RNF115: variants seen among roughly 807,000 people sequenced by gnomAD.
RNF115 encodes the protein E3 ubiquitin-protein ligase RNF115.
Under a neutral mutation model 39.2 loss-of-function variants are expected in RNF115, and 31 were observed. The observed-to-expected ratio is 0.79, with a 90% CI of 0.59 to 1.07. The LOEUF is 1.07. Ranked by LOEUF, RNF115 falls within the 50% of genes least tolerant of loss-of-function variation. RNF115 has a pLI of 0.00. For missense variants in RNF115, 384 were observed against 381.7 expected (o/e 1.01, Z -0.05); for synonymous variants, 124 against 131.0 (o/e 0.95, Z 0.37).
At chr1:145,819,002 A>T (rs1650111152) in intron 1 of RNF115, among the ~76,000 whole-genome samples, 1 of 144,846 alleles carries the variant, frequency 6.9e-6, no homozygotes, top group Admixed American at 7.0e-5. Flanking sequence ...CTCAGAGACT[A>T]TTACAAACAC....
intron 4 of RNF115, among the ~76,000 whole-genome samples, chr1:145,764,790 C>A (rs1374200636): frequency 1.3e-5 from 2 of 151,376 alleles, no homozygotes; most frequent in Non-Finnish European, 2.9e-5. Context: ...CCGCCCCATC[C>A]GGGAGGGAGA....
In RNF115 at chr1:145,746,924, GC is replaced by G; in HGVS notation, c.856del (p.Ala286ProfsTer26). The G allele has an allele frequency of 6.2e-7, 1 of 1,614,044 alleles. No homozygotes were observed. The highest frequency in any genetic ancestry group is 8.5e-7 in the Non-Finnish European group (1 of 1,179,948). On this transcript the variant is annotated frameshift_variant, in exon 9 of 9. Coordinates refer to ENST00000582693, the MANE Select transcript of RNF115 (RefSeq NM_014455.4). LOFTEE classifies it high-confidence loss of function. ...DSTRQSQSTE[A>X]SASNRFSNDS... is the part of the protein sequence containing the mutation. ...ATTGCTAAATCTGTTGCTTGCAGAG[GC>G]CTCAGTGCTCTGGCTTTGCCGAGTA...
At chr1:145,809,305 G>C (rs1221050958) in intron 1 of RNF115, among the ~76,000 whole-genome samples, 1 of 150,616 alleles carries the variant, frequency 6.6e-6, no homozygotes, top group East Asian at 1.9e-4. Context: ...TCCTCCCTCA[G>C]CCTCCCAAGT....
intron 4 of RNF115, among the ~76,000 whole-genome samples, chr1:145,770,566 T>C (rs1647588603): frequency 2.6e-5 from 4 of 152,340 alleles, no homozygotes; most frequent in African/African-American, 9.6e-5. Flanking sequence ...TATAGCTACA[T>C]GTGGCTAGCA....
At chr1:145,779,317 C>T (rs1485739241) in intron 3 of RNF115, among the ~76,000 whole-genome samples, 3 of 151,810 alleles carry the variant, frequency 2.0e-5, no homozygotes, top group Non-Finnish European at 4.4e-5. Flanking sequence ...TGGGACTACA[C>T]ACATATGCCA....
At chr1:145,781,865 C>T (rs947839276) in intron 3 of RNF115, among the ~76,000 whole-genome samples, 2 of 151,794 alleles carry the variant, frequency 1.3e-5, no homozygotes, top group Admixed American at 1.3e-4. Context: ...TTACATATAC[C>T]CCAGAATAAA....
At chr1:145,750,738 C>T (rs1050397400) in intron 6 of RNF115, among the ~76,000 whole-genome samples, 3 of 152,244 alleles carry the variant, frequency 2.0e-5, no homozygotes, top group African/African-American at 4.8e-5. Flanking sequence ...TTGCAAGGCC[C>T]ACCTCTAGGC....
At chr1:145,773,300 G>A (rs916252221) in intron 3 of RNF115, 1 of 151,790 alleles carries the variant, frequency 6.6e-6, no homozygotes, top group Admixed American at 6.6e-5. Flanking sequence ...TAAAAAAACT[G>A]AACATTTATA....
At chr1:145,821,453 CACTCTTT>C (rs1206606157) in intron 1 of RNF115, among the ~76,000 whole-genome samples, 2 of 80,506 alleles carry the variant, frequency 2.5e-5, no homozygotes, top group African/African-American at 7.7e-5. Flanking sequence ...ACTGTCTTCT[CACTCTTT>C]TTTTTTTTTT....
Position 145,746,295 on chromosome 1 carries a change from T to TTGCTGTAA in RNF115, c.*563_*570dup, listed in dbSNP as rs1407826175. Reference sequence around the variant, plus strand: ...ACAATGATAAACCACTTTTCTCTTCTTGCTGTAATTTTTCTTTGATTTGCT... The same window carrying TTGCTGTAA: ...ACAATGATAAACCACTTTTCTCTTCTTGCTGTAATGCTGTAATTTTTCTTTGATTTGCT... On this transcript the variant is annotated 3_prime_UTR_variant, in exon 9 of 9. Coordinates refer to ENST00000582693, the MANE Select transcript of RNF115 (RefSeq NM_014455.4). 1.3e-5 allele frequency: 2 copies of TTGCTGTAA among 152,114 alleles called. No homozygotes were observed. The highest frequency in any genetic ancestry group is 2.9e-5 in the Non-Finnish European group (2 of 68,028). The allele number at this position is 152,114 out of a possible 1,614,324, so 9.4% of individuals were successfully genotyped here. A position where few individuals can be genotyped will look rare whatever the true frequency, so the allele number is the denominator to read the frequency against.
intron 4 of RNF115, among the ~76,000 whole-genome samples, chr1:145,768,017 A>AGGGAGC (rs1553715286): frequency 6.6e-6 from 1 of 152,042 alleles, no homozygotes; most frequent in East Asian, 2.0e-4. Flanking sequence ...GGAGAGGGAG[A>AGGGAGC]GGGAGCCATT....
At chr1:145,795,039 A>G (rs1648902066) in intron 1 of RNF115, among the ~76,000 whole-genome samples, 1 of 148,318 alleles carries the variant, frequency 6.7e-6, no homozygotes, top group Admixed American at 6.7e-5. Context: ...AAAAAAAAAG[A>G]TAGTGTGTCC....
chr1:145,753,875 C>G (rs1210569206), intron 4 of RNF115, among the ~76,000 whole-genome samples: 2 of 152,276 alleles, frequency 1.3e-5, no homozygotes, highest in African/African-American at 2.4e-5. Flanking sequence ...TGCCACCACA[C>G]CCGGCTAATT....
At chr1:145,819,220 G>A (rs1310265676) in intron 1 of RNF115, among the ~76,000 whole-genome samples, 11 of 142,034 alleles carry the variant, frequency 7.7e-5, no homozygotes, top group Admixed American at 3.7e-4. Flanking sequence ...CGGATCGCTT[G>A]AGCCTAGGAG....
intron 1 of RNF115, among the ~76,000 whole-genome samples, chr1:145,789,935 C>T (rs1183546847): frequency 2.0e-5 from 3 of 150,272 alleles, no homozygotes; most frequent in South Asian, 2.1e-4. Flanking sequence ...TGACCTCAGG[C>T]GATCCACCCG....
In RNF115 at chr1:145,788,925, T is replaced by G. The variant is rs782260350; in HGVS notation, c.144A>C (p.Glu48Asp). ...CPRCESGFIE[E>D]VTDDSSFLGG... ...TACAATACCTGGAATCATCTGTCAC[T>G]TCTTCAATAAAGCCTGATTCACATC... Residue 48 changes from glutamate (E) to aspartate (D), a missense_variant, in exon 2 of 9, where the codon GAA (glutamate) becomes GAC (aspartate). Transcript: ENST00000582693. 5.0e-6 allele frequency: 8 copies of G among 1,599,244 alleles called. 1 individual carries two copies. The Admixed American group carries it at 1.3e-4, about 27-fold the overall frequency.
Position 145,746,605 on chromosome 1 carries a change from G to A in RNF115, c.*261C>T, listed in dbSNP as rs1017835586. 15 of 372,380 alleles carry A rather than the reference G, an allele frequency of 4.0e-5. No homozygotes were observed. The highest frequency in any genetic ancestry group is 7.5e-4 in the Middle Eastern group (1 of 1,334). The allele number at this position is 372,380 out of a possible 1,614,324, so 23.1% of individuals were successfully genotyped here. ...TTTAAGGAATTAATTCTATTCAGAC[G>A]GGGGGAGCCCTACATAATTAAGTTT... is the stretch of plus-strand genomic sequence containing the variant. On this transcript the variant is annotated 3_prime_UTR_variant, in exon 9 of 9. Coordinates refer to ENST00000582693, the MANE Select transcript of RNF115 (RefSeq NM_014455.4).
intron 1 of RNF115, among the ~76,000 whole-genome samples, chr1:145,807,209 G>T (rs1217281259): frequency 2.0e-5 from 3 of 152,174 alleles, no homozygotes; most frequent in Non-Finnish European, 2.9e-5. Flanking sequence ...GAGTATATGT[G>T]TGTGTCCTCA....
At chr1:145,795,928 CAG>C (rs1244994564) in intron 1 of RNF115, among the ~76,000 whole-genome samples, 2 of 152,150 alleles carry the variant, frequency 1.3e-5, no homozygotes, top group Admixed American at 6.5e-5. Flanking sequence ...ACAGGAAAAA[CAG>C]AGAACTTTTT....
Sources: allele counts gnomAD v4.1 joint callset (sites outside exome capture counted in the v4.1 genomes callset), GRCh38; gene constraint gnomAD v4.1.1; transcripts MANE v1.5; gene names NCBI Gene and HGNC (gene_info 2026-07-23, HGNC 2026-07-21).